STOX2: variants seen among roughly 807,000 people sequenced by gnomAD.
STOX2 encodes storkhead box 2.
In STOX2, 28 loss-of-function variants were observed where a neutral mutation model predicts 60.9. That is an observed-to-expected ratio of 0.46 (90% CI 0.34 to 0.63). The LOEUF (loss-of-function observed/expected upper bound fraction) is 0.63, where lower values mean the gene tolerates loss of function less well. STOX2 is among the 30% of genes least tolerant of loss of function. The probability of loss-of-function intolerance (pLI) is 0.01; values close to 1 mark genes in which losing one functional copy is unlikely to be tolerated. For missense variants in STOX2, 1,024 were observed against 1,187.7 expected, an observed-to-expected ratio of 0.86 and a Z score of 2.03; for synonymous variants, 472 against 463.9, an observed-to-expected ratio of 1.02 and a Z score of -0.22.
At chr4:183,977,218 C>T (rs1732482141) in intron 1 of STOX2, among the ~76,000 whole-genome samples, 1 of 152,096 alleles carries the variant, frequency 6.6e-6, no homozygotes, top group Non-Finnish European at 1.5e-5. Context: ...CTTCTACCCT[C>T]CTACTCTGAA....
At chr4:183,963,288 G>A (rs918089059) in intron 1 of STOX2, among the ~76,000 whole-genome samples, 43 of 152,112 alleles carry the variant, frequency 2.8e-4, no homozygotes, top group South Asian at 1.2e-3. Context: ...TTATTATGAC[G>A]TCAAAAAGTC....
rs1208816615 is a variant in STOX2 at position 184,023,295 on chromosome 4, ACAT to A, written c.*6012_*6014del. ...CCTAATGTTACTGATTTATAACAGC[ACAT>A]TTGTAACATGGTTTTTATCGTGTCA... is the stretch of plus-strand genomic sequence containing the variant. On this transcript the variant is annotated 3_prime_UTR_variant, in exon 4 of 4. Transcript: ENST00000308497. The A allele has an allele frequency of 6.6e-6, 1 of 152,180 alleles. No individual in the cohort carries two copies. Among genetic ancestry groups the A allele is most frequent in the Non-Finnish European group, 1.5e-5 (1 of 68,028 alleles). The allele number at this position is 152,180 out of a possible 1,614,324, so 9.4% of individuals were successfully genotyped here.
In STOX2 at chr4:184,009,137, T is replaced by TTC; in HGVS notation, c.320-20_320-19insCT. On this transcript the variant is annotated intron_variant, in intron 2 of 3. Coordinates refer to ENST00000308497, the MANE Select transcript of STOX2 (RefSeq NM_020225.3). This position sits in a 1 kb window ranked among gnomAD's most constrained non-coding sequence, Gnocchi z 4.0. Reference sequence around the variant, plus strand: ...GTTCTGTCTTCATTCTCACAAGTGGTTTTTTTTTTTTTTTTTTCAGGTGTT... The same window carrying TTC: ...GTTCTGTCTTCATTCTCACAAGTGGTTCTTTTTTTTTTTTTTTTTCAGGTGTT... 3 of 772,376 alleles carry TTC rather than the reference T, an allele frequency of 3.9e-6. No individual in the cohort carries two copies. Among genetic ancestry groups the TTC allele is most frequent in the East Asian group, 1.3e-4 (2 of 15,996 alleles). The allele number at this position is 772,376 out of a possible 1,614,324, so 47.8% of individuals were successfully genotyped here. A position where few individuals can be genotyped will look rare whatever the true frequency, so the allele number is the denominator to read the frequency against.
chr4:183,840,855 G>A (rs1322566757), intron 1 of STOX2, among the ~76,000 whole-genome samples: 1 of 152,122 alleles, frequency 6.6e-6, no homozygotes, highest in East Asian at 1.9e-4. Context: ...GCGGGAGAGA[G>A]TTTCACTCAT....
At chr4:183,896,729 G>T (rs1013129428) in intron 1 of STOX2, among the ~76,000 whole-genome samples, 4 of 152,192 alleles carry the variant, frequency 2.6e-5, no homozygotes, top group Non-Finnish European at 5.9e-5. Flanking sequence ...TCACGATTTT[G>T]TAACGAGTTT....
At chr4:183,904,946 C>T (rs1419940450), upstream of STOX2, among the ~76,000 whole-genome samples, 2 of 152,194 alleles carry the variant, frequency 1.3e-5, no homozygotes, top group African/African-American at 2.4e-5. Flanking sequence ...ATCTTGGCAC[C>T]TGTGAATATG....
intron 1 of STOX2, among the ~76,000 whole-genome samples, chr4:183,971,027 T>C (rs115796794): frequency 0.029 from 4,380 of 152,244 alleles, 78 homozygotes; most frequent in Admixed American, 0.064. Flanking sequence ...CCATTAGAAT[T>C]TTGGGGTCAG....
intron 1 of STOX2, among the ~76,000 whole-genome samples, chr4:183,959,471 G>A (rs77460670): frequency 0.026 from 4,021 of 152,252 alleles, 76 homozygotes; most frequent in East Asian, 0.072. Context: ...CAAGGCTGCC[G>A]TTCCTCCCCT....
intron 1 of STOX2, among the ~76,000 whole-genome samples, chr4:183,841,532 A>G (rs1739862466): frequency 6.6e-6 from 1 of 152,174 alleles, no homozygotes; most frequent in African/African-American, 2.4e-5. Context: ...TGAAATCATC[A>G]GAACCCTTGG....
At chr4:183,798,200 A>G (rs2111087304) in intron 1 of STOX2, 1 of 788,646 alleles carries the variant, frequency 1.3e-6, no homozygotes, top group Non-Finnish European at 1.7e-6. Flanking sequence ...CCGGGGGAGG[A>G]GCCGGGGGCC....
chr4:184,007,023 A>C (rs1203072136), intron 2 of STOX2, among the ~76,000 whole-genome samples: 1 of 128,000 alleles, frequency 7.8e-6, no homozygotes, highest in African/African-American at 3.6e-5. Flanking sequence ...CTCAAAAAAA[A>C]AAAAAAAAAC....
At chr4:183,963,361 A>C (rs187986212) in intron 1 of STOX2, among the ~76,000 whole-genome samples, 72 of 152,376 alleles carry the variant, frequency 4.7e-4, no homozygotes, top group African/African-American at 1.6e-3. Context: ...AAATGACACA[A>C]ATTATAATAG....
intron 1 of STOX2, among the ~76,000 whole-genome samples, chr4:183,929,858 A>G (rs992104611): frequency 6.6e-6 from 1 of 152,114 alleles, no homozygotes; most frequent in Non-Finnish European, 1.5e-5. Context: ...TCCTAGCTAT[A>G]TAACTTTTTT....
chr4:183,836,045 T>A lies in STOX2; in HGVS notation c.364+37990T>A, dbSNP rs1314767920. Among the ~76,000 whole-genome samples the A allele has an allele frequency of 1.3e-5, 2 of 152,130 alleles. No homozygotes were observed. Among genetic ancestry groups the A allele is most frequent in the Non-Finnish European group, 2.9e-5 (2 of 68,018 alleles). On this transcript the variant is annotated intron_variant, in intron 1 of 2. Coordinates refer to the STOX2 transcript ENST00000513034. The surrounding 1 kb of genome is among the most constrained non-coding windows in gnomAD (Gnocchi z 4.1). ...ACACTTGTTACTGCCATTTTTTTTTTTATCTGAGCCATCCTAGTGGGTGGA... is the reference window on the plus strand; with the variant it reads ...ACACTTGTTACTGCCATTTTTTTTTATATCTGAGCCATCCTAGTGGGTGGA...
intron 1 of STOX2, among the ~76,000 whole-genome samples, chr4:183,880,778 C>G (rs1298254168): frequency 6.6e-6 from 1 of 152,190 alleles, no homozygotes; most frequent in Non-Finnish European, 1.5e-5. Flanking sequence ...GAACAACCAA[C>G]ATGAAATTTT....
chr4:183,964,837 G>A (rs1359406002), intron 1 of STOX2, among the ~76,000 whole-genome samples: 2 of 152,148 alleles, frequency 1.3e-5, no homozygotes, highest in Non-Finnish European at 2.9e-5. Flanking sequence ...ACCCGCCTTG[G>A]CCTCCCAAAA....
chr4:183,863,853 C>A (rs1579349201), intron 1 of STOX2, among the ~76,000 whole-genome samples: 1 of 152,164 alleles, frequency 6.6e-6, no homozygotes, highest in East Asian at 1.9e-4. Context: ...ACAACCGTAT[C>A]TGAACTTGGA....
At chr4:184,007,677 G>T (rs925925520) in intron 2 of STOX2, among the ~76,000 whole-genome samples, 2 of 152,148 alleles carry the variant, frequency 1.3e-5, no homozygotes, top group Non-Finnish European at 2.9e-5. Flanking sequence ...AGTTCTGGAG[G>T]CCAGAAGTCC....
chr4:183,803,930 T>C (rs1579283912), intron 1 of STOX2, among the ~76,000 whole-genome samples: 1 of 151,978 alleles, frequency 6.6e-6, no homozygotes. Flanking sequence ...ATCACGACAC[T>C]GCACTCCAGC....
Sources: allele counts gnomAD v4.1 joint callset (sites outside exome capture counted in the v4.1 genomes callset), GRCh38; gene constraint gnomAD v4.1.1; non-coding constraint Gnocchi (gnomAD v3.1); transcripts MANE v1.5; gene names NCBI Gene and HGNC (gene_info 2026-07-23, HGNC 2026-07-21).